Variants in PCDHGB7 observed in about 807,000 individuals in gnomAD.
PCDHGB7 encodes protocadherin gamma subfamily B, 7.
Under a neutral mutation model 61.4 loss-of-function variants are expected in PCDHGB7, and 37 were observed. The observed-to-expected ratio is 0.60, with a 90% CI of 0.46 to 0.79. The LOEUF (loss-of-function observed/expected upper bound fraction) is 0.79, where lower values mean the gene tolerates loss of function less well. PCDHGB7 is among the 30% of genes least tolerant of loss of function. The pLI, the probability that PCDHGB7 is intolerant of heterozygous loss-of-function variation, is 0.00. For synonymous variants in PCDHGB7, 464 were observed against 503.5 expected (o/e 0.92, Z 1.05); for missense variants, 1,166 against 1,202.5 (o/e 0.97, Z 0.45).
intron 1 of PCDHGB7, among the ~76,000 whole-genome samples, chr5:141,492,781 T>C (rs945023154): frequency 9.9e-5 from 15 of 152,194 alleles, no homozygotes; most frequent in African/African-American, 3.6e-4. Flanking sequence ...TGAGTGAGCC[T>C]CTATAGGACA....
intron 1 of PCDHGB7, chr5:141,427,922 G>A: frequency 6.3e-7 from 1 of 1,580,742 alleles, no homozygotes; most frequent in Non-Finnish European, 8.6e-7. Flanking sequence ...ACATGAGCCG[G>A]CGCATGTTGG....
rs763187246 is a variant in PCDHGB7 at position 141,477,168 on chromosome 5, A to G, written c.2416-17639A>G. ...GTGGATGTGAATGACAACGCCCCGGAGATCACAGTCACCTCCGTGTACAGC... is the reference window on the plus strand; with the variant it reads ...GTGGATGTGAATGACAACGCCCCGGGGATCACAGTCACCTCCGTGTACAGC... On this transcript the variant is annotated intron_variant, in intron 1 of 3. Transcript: ENST00000398594. The surrounding 1 kb of genome is among the most constrained non-coding windows in gnomAD (Gnocchi z 4.9). The G allele has an allele frequency of 6.2e-7, 1 of 1,614,210 alleles. No homozygotes were observed. Among genetic ancestry groups the G allele is most frequent in the Non-Finnish European group, 8.5e-7 (1 of 1,180,040 alleles).
chr5:141,418,299 G>C lies in PCDHGB7; in HGVS notation c.440G>C (p.Ser147Thr), dbSNP rs767901461. 5 of 1,614,046 alleles carry C rather than the reference G, an allele frequency of 3.1e-6. No individual in the cohort carries two copies. In the Admixed American group the frequency reaches 8.3e-5, roughly 27 times the overall value. Residue 147 changes from serine to threonine, a missense_variant, in exon 1 of 4, where the codon AGC becomes ACC. Coordinates refer to ENST00000398594, the MANE Select transcript of PCDHGB7 (RefSeq NM_018927.4). Reference protein sequence around the residue: ...EINLEISESVSLGMGTILESA... With the variant: ...EINLEISESVTLGMGTILESA... ...AACTTAGAAATCAGTGAATCCGTCA[G>C]CCTGGGGATGGGAACAATTCTTGAG...
At chr5:141,495,013 T>C (rs2099758300) in intron 2 of PCDHGB7, 148 bp downstream of exon 2, 12 of 1,511,014 alleles carry the variant, frequency 7.9e-6, no homozygotes, top group Non-Finnish European at 1.1e-5. Context: ...TGCGGGGGGC[T>C]GGCACACAGA....
rs2099691833 is a variant in PCDHGB7, at chr5:141,489,761, C to A, written c.2416-5046C>A. 8.1e-6 allele frequency: 13 copies of A among 1,614,102 alleles called. No individual in the cohort carries two copies. The highest frequency in any genetic ancestry group is 1.1e-5 in the Non-Finnish European group (13 of 1,179,962). ...ACTGTGAGCTTTTACACTCTAAGCCCCAACAGCCACTTCTCTCTGAATGTG... is the reference window on the plus strand; with the variant it reads ...ACTGTGAGCTTTTACACTCTAAGCCACAACAGCCACTTCTCTCTGAATGTG... On this transcript the variant is annotated intron_variant, in intron 1 of 3. Coordinates refer to ENST00000398594, the MANE Select transcript of PCDHGB7 (RefSeq NM_018927.4). The surrounding 1 kb of genome is among the most constrained non-coding windows in gnomAD (Gnocchi z 4.5).
In PCDHGB7 at chr5:141,487,227, G is replaced by A. The variant is rs763361726; in HGVS notation, c.2416-7580G>A. The A allele has an allele frequency of 6.2e-7, 1 of 1,614,070 alleles. No individual in the cohort carries two copies. Among genetic ancestry groups the A allele is most frequent in the Non-Finnish European group, 8.5e-7 (1 of 1,179,952 alleles). On this transcript the variant is annotated intron_variant, in intron 1 of 3. Transcript: ENST00000398594. The surrounding 1 kb of genome is among the most constrained non-coding windows in gnomAD (Gnocchi z 5.0). The stretch of plus-strand genomic sequence containing the variant: ...CGAGAATCTTCAGCTCCAAGGGAAG[G>A]AGAATCTCGTCTAACCCTCTACTTG...
At chr5:141,508,434 G>A (rs2099868795) in intron 3 of PCDHGB7, among the ~76,000 whole-genome samples, 1 of 152,160 alleles carries the variant, frequency 6.6e-6, no homozygotes, top group Admixed American at 6.5e-5. Flanking sequence ...AGCTCACACA[G>A]TTCCTTAGTG....
intron 1 of PCDHGB7, among the ~76,000 whole-genome samples, chr5:141,460,124 A>AAT (rs2098982741): frequency 6.6e-6 from 1 of 152,052 alleles, no homozygotes; most frequent in African/African-American, 2.4e-5. Context: ...TTATATATGT[A>AAT]ATATATATAT....
intron 1 of PCDHGB7, 112 bp downstream of exon 1, chr5:141,420,386 A>G (rs1407565643): frequency 6.2e-6 from 8 of 1,284,798 alleles, no homozygotes; most frequent in Non-Finnish European, 7.2e-6. Context: ...AGTTCGCAAA[A>G]TATAGGTCAA....
chr5:141,487,181 C>T lies in PCDHGB7; in HGVS notation c.2416-7626C>T. 3 of 1,612,732 alleles carry T rather than the reference C, an allele frequency of 1.9e-6. No individual in the cohort carries two copies. The highest frequency in any genetic ancestry group is 1.1e-5 in the South Asian group (1 of 91,060). ...CTTAGTGTCCTTAGAGGAAGACACT[C>T]ATCCAGTTGTCCCAGATCTTCGAGA... On this transcript the variant is annotated intron_variant, in intron 1 of 3. Transcript: ENST00000398594. This position sits in a 1 kb window ranked among gnomAD's most constrained non-coding sequence, Gnocchi z 5.0.
chr5:141,457,054 T>C (rs1410535170), intron 1 of PCDHGB7, among the ~76,000 whole-genome samples: 1 of 152,242 alleles, frequency 6.6e-6, no homozygotes, highest in Non-Finnish European at 1.5e-5. Context: ...ACTTTCATGC[T>C]TCCTTTTTGC....
intron 1 of PCDHGB7, among the ~76,000 whole-genome samples, chr5:141,469,315 G>A (rs1160946697): frequency 6.6e-6 from 1 of 151,866 alleles, no homozygotes; most frequent in African/African-American, 2.4e-5. Flanking sequence ...GATGGCTCAC[G>A]CCTGTAATCC....
In PCDHGB7 at chr5:141,419,123, A is replaced by G. The variant is rs2096330317; in HGVS notation, c.1264A>G (p.Ile422Val). The G allele has an allele frequency of 6.2e-7, 1 of 1,613,766 alleles. No homozygotes were observed. The highest frequency in any genetic ancestry group is 1.3e-5 in the African/African-American group (1 of 74,950). The change falls in exon 1 of 4, where the codon ATC becomes GTC. Residue 422 changes from isoleucine to valine, a missense_variant. Coordinates refer to ENST00000398594, the MANE Select transcript of PCDHGB7 (RefSeq NM_018927.4). ...REQTPEYNVT[I>V]AATDRGKPPL... Reference sequence around the variant, plus strand: ...GCAGACCCCAGAGTACAACGTCACCATCGCAGCCACAGACAGGGGCAAGCC... The same window carrying G: ...GCAGACCCCAGAGTACAACGTCACCGTCGCAGCCACAGACAGGGGCAAGCC...
intron 1 of PCDHGB7, chr5:141,430,959 T>A: frequency 6.2e-7 from 1 of 1,612,026 alleles, no homozygotes; most frequent in Non-Finnish European, 8.5e-7. Flanking sequence ...GTCCGCATCA[T>A]CCCCAGAGGT....
intron 1 of PCDHGB7, chr5:141,421,623 C>T: frequency 6.2e-7 from 1 of 1,613,810 alleles, no homozygotes. Flanking sequence ...ATAACGCCCC[C>T]AGCTTCCAGG....
intron 1 of PCDHGB7, among the ~76,000 whole-genome samples, chr5:141,479,992 G>A (rs1336315766): frequency 6.6e-6 from 1 of 152,204 alleles, no homozygotes; most frequent in Non-Finnish European, 1.5e-5. Context: ...CCAACTAGGA[G>A]TCTGTGGCCA....
Position 141,485,168 on chromosome 5 carries a change from G to A in PCDHGB7, c.2416-9639G>A. The A allele has an allele frequency of 6.2e-7, 1 of 1,608,668 alleles. No individual in the cohort carries two copies. Among genetic ancestry groups the A allele is most frequent in the Non-Finnish European group, 8.5e-7 (1 of 1,175,736 alleles). ...GGAGCAAGTAGAGAATTAGCGGGCG[G>A]CAGCAATGCTCCGCAAGGTGAGAAG... is the stretch of plus-strand genomic sequence containing the variant. On this transcript the variant is annotated intron_variant, in intron 1 of 3. Coordinates refer to ENST00000398594, the MANE Select transcript of PCDHGB7 (RefSeq NM_018927.4). This position sits in a 1 kb window ranked among gnomAD's most constrained non-coding sequence, Gnocchi z 5.7.
At chr5:141,427,371 G>A (rs772247790) in intron 1 of PCDHGB7, 3 of 458,018 alleles carry the variant, frequency 6.5e-6, no homozygotes, top group East Asian at 6.9e-5. Context: ...ACCCTGGACG[G>A]TGATCACTCT....
In PCDHGB7 at chr5:141,512,517, A is replaced by G. The variant is rs985434754; in HGVS notation, c.*1344A>G. ...GTCCCCAGTGCGCCCCCTAGTGGCC[A>G]TAGCCTGGTTAAAGTTCCCCAGTGC... On this transcript the variant is annotated 3_prime_UTR_variant, in exon 4 of 4. Coordinates refer to ENST00000398594, the MANE Select transcript of PCDHGB7 (RefSeq NM_018927.4). 3 of 152,938 alleles carry G rather than the reference A, an allele frequency of 2.0e-5. No individual in the cohort carries two copies. Among genetic ancestry groups the G allele is most frequent in the African/African-American group, 7.2e-5 (3 of 41,464 alleles). 9.5% of individuals were successfully genotyped at this position (152,938 alleles called of 1,614,324 possible).
Sources: gnomAD v4.1 joint callset for allele counts (sites outside exome capture counted in the v4.1 genomes callset) on GRCh38, gnomAD v4.1.1 for gene constraint, Gnocchi (gnomAD v3.1) non-coding constraint, MANE v1.5 for transcripts, NCBI Gene and HGNC (gene_info 2026-07-23, HGNC 2026-07-21) for gene names.